Variants in TOM1 observed in about 807,000 individuals in gnomAD.
The protein encoded by TOM1 is target of myb1 membrane trafficking protein.
TOM1 carries 38 observed loss-of-function variants against 61.3 expected under a neutral mutation model. The ratio of observed to expected loss-of-function variants is 0.62; its 90% CI spans 0.48 to 0.81. TOM1 has a LOEUF of 0.81. Ranked by LOEUF, TOM1 falls within the 40% of genes least tolerant of loss-of-function variation. The pLI is 0.00. For synonymous variants in TOM1, 270 were observed against 268.8 expected (o/e 1.00, Z -0.04); for missense variants, 591 against 659.6 (o/e 0.90, Z 1.14).
chr22:35,304,149 A>C, intron 1 of TOM1, among the ~76,000 whole-genome samples: 1 of 152,136 alleles, frequency 6.6e-6, no homozygotes. Flanking sequence ...ACAGCCACTC[A>C]AGGTCAGAAT....
At chr22:35,299,731 G>C (rs983946482), upstream of TOM1, 1 of 619,198 alleles carries the variant, frequency 1.6e-6, no homozygotes, top group African/African-American at 1.9e-5. Context: ...CGCCGAGCAA[G>C]CCGCAGTGAG....
intron 1 of TOM1, among the ~76,000 whole-genome samples, chr22:35,312,655 G>A (rs1341386458): frequency 1.3e-5 from 2 of 152,192 alleles, no homozygotes; most frequent in African/African-American, 2.4e-5. Flanking sequence ...AGGGTGTGAC[G>A]TGCTTATTAG....
Position 35,320,651 on chromosome 22 carries a change from G to A in TOM1, c.138-1308G>A, listed in dbSNP as rs1927692492. On this transcript the variant is annotated intron_variant, in intron 2 of 14. Transcript: ENST00000449058. ...CAACTACAAGACCACCCCCTCGGAG[G>A]TCTTTTCTGACCACCCCCATCCTCA... Among the ~76,000 whole-genome samples the A allele has an allele frequency of 2.6e-5, 4 of 152,128 alleles. No individual in the cohort carries two copies. In the South Asian group the frequency reaches 8.3e-4, roughly 32 times the overall value.
At chr22:35,318,272 C>T (rs1927481260) in intron 2 of TOM1, 1 of 449,616 alleles carries the variant, frequency 2.2e-6, no homozygotes, top group Non-Finnish European at 4.0e-6. Flanking sequence ...AAGCTGGAGA[C>T]TCTTAATCAG....
At chr22:35,301,153 G>C (rs1047353356) in intron 1 of TOM1, among the ~76,000 whole-genome samples, 1 of 152,144 alleles carries the variant, frequency 6.6e-6, no homozygotes, top group African/African-American at 2.4e-5. Flanking sequence ...ATTGGATCTG[G>C]GAGGTCAGGG....
chr22:35,304,969 G>A (rs1020443730), intron 1 of TOM1, among the ~76,000 whole-genome samples: 3 of 152,174 alleles, frequency 2.0e-5, no homozygotes, highest in Admixed American at 2.0e-4. Context: ...TGGGTGTGAG[G>A]GGAGAAGAGC....
Position 35,347,310 on chromosome 22 carries a change from G to C in TOM1, c.*101G>C. ...TGGTGTTAAGGCTGCTTTGGGGGTG[G>C]CTTGTTACCCCCTTTTCCTCCTCTT... On this transcript the variant is annotated 3_prime_UTR_variant, in exon 15 of 15. Transcript: ENST00000449058. 1 of 1,281,718 alleles carries C rather than the reference G, an allele frequency of 7.8e-7. No homozygotes were observed. The highest frequency in any genetic ancestry group is 1.1e-6 in the Non-Finnish European group (1 of 942,320). The allele number at this position is 1,281,718 out of a possible 1,614,324, so 79.4% of individuals were successfully genotyped here.
At chr22:35,320,590 A>C (rs1927685071) in intron 2 of TOM1, among the ~76,000 whole-genome samples, 4 of 148,926 alleles carry the variant, frequency 2.7e-5, no homozygotes, top group Non-Finnish European at 4.5e-5. Flanking sequence ...CTCTGCCCCC[A>C]CTCCCCCCAG....
At chr22:35,306,490 C>T (rs1412292747) in intron 1 of TOM1, among the ~76,000 whole-genome samples, 2 of 152,142 alleles carry the variant, frequency 1.3e-5, no homozygotes, top group African/African-American at 2.4e-5. Flanking sequence ...CAGCTGTACA[C>T]ATATTAGTAG....
intron 1 of TOM1, among the ~76,000 whole-genome samples, chr22:35,310,028 A>C (rs370359842): frequency 1.6e-4 from 24 of 152,248 alleles, no homozygotes; most frequent in African/African-American, 5.3e-4. Context: ...GGTAGGGTTA[A>C]TAAAAATTTC....
chr22:35,346,487 G>A (rs1001559453), intron 13 of TOM1, among the ~76,000 whole-genome samples: 1 of 152,212 alleles, frequency 6.6e-6, no homozygotes, highest in African/African-American at 2.4e-5. Context: ...AGTTTGCAGT[G>A]TTAGCATGAA....
chr22:35,344,304 G>C (rs775773718), intron 12 of TOM1: 1 of 152,530 alleles, frequency 6.6e-6, no homozygotes, highest in Non-Finnish European at 1.5e-5. Flanking sequence ...GTGCTCGCAG[G>C]GCTCCTGCCA....
intron 6 of TOM1, among the ~76,000 whole-genome samples, chr22:35,325,853 C>T (rs975887551): frequency 6.6e-6 from 1 of 152,224 alleles, no homozygotes. Context: ...CATGTTAAGA[C>T]ATCAGGTGTG....
intron 1 of TOM1, among the ~76,000 whole-genome samples, chr22:35,316,937 C>T (rs1039452977): frequency 1.3e-5 from 2 of 152,046 alleles, no homozygotes; most frequent in African/African-American, 4.8e-5. Context: ...GGCTCGGCAT[C>T]GGTCCCTTCT....
chr22:35,337,702 C>T (rs1349338633), intron 11 of TOM1, among the ~76,000 whole-genome samples: 1 of 152,256 alleles, frequency 6.6e-6, no homozygotes, highest in Non-Finnish European at 1.5e-5. Flanking sequence ...CTGAAGCCTA[C>T]AGTTAGACCA....
In TOM1 at chr22:35,323,295, C is replaced by T. The variant is rs982425336; in HGVS notation, c.366+118C>T. 2.7e-6 allele frequency: 4 copies of T among 1,460,364 alleles called. No homozygotes were observed. Among genetic ancestry groups the T allele is most frequent in the African/African-American group, 1.4e-5 (1 of 69,870 alleles). 90.5% of individuals were successfully genotyped at this position (1,460,364 alleles called of 1,614,324 possible). ...CCAGGCTCCGCTTCTCATTTCGGGG[C>T]GTCTCGGTTGTCGGCTGGTGGGATG... On this transcript the variant is annotated intron_variant, in intron 4 of 14. Coordinates refer to ENST00000449058, the MANE Select transcript of TOM1 (RefSeq NM_005488.3). The surrounding 1 kb of genome is among the most constrained non-coding windows in gnomAD (Gnocchi z 4.2).
chr22:35,309,722 A>G (rs1166206011), intron 1 of TOM1, among the ~76,000 whole-genome samples: 1 of 151,668 alleles, frequency 6.6e-6, no homozygotes, highest in Non-Finnish European at 1.5e-5. Context: ...GTCCATCTAG[A>G]ATGAATTCGT....
intron 11 of TOM1, among the ~76,000 whole-genome samples, chr22:35,337,486 G>A (rs1022466636): frequency 6.6e-6 from 1 of 152,238 alleles, no homozygotes; most frequent in Non-Finnish European, 1.5e-5. Flanking sequence ...GATGGGAGCC[G>A]TGTAACCAGG....
intron 11 of TOM1, chr22:35,336,942 CTTT>C (rs138791): frequency 2.0e-4 from 26 of 131,056 alleles, no homozygotes; most frequent in Non-Finnish European, 2.5e-4. Flanking sequence ...GCAGATAGTT[CTTT>C]TTTTTTTTTT....
Sources: allele counts gnomAD v4.1 joint callset (sites outside exome capture counted in the v4.1 genomes callset), GRCh38; gene constraint gnomAD v4.1.1; non-coding constraint Gnocchi (gnomAD v3.1); transcripts MANE v1.5; gene names NCBI Gene and HGNC (gene_info 2026-07-23, HGNC 2026-07-21).